PRDM10: variants seen among roughly 807,000 people sequenced by gnomAD.
PRDM10 encodes the protein PR domain zinc finger protein 10.
PRDM10 carries 65 observed loss-of-function variants against 133.1 expected under a neutral mutation model. That is an observed-to-expected ratio of 0.49 (90% CI 0.40 to 0.60). PRDM10 has a LOEUF of 0.60. Among genes scored for constraint, PRDM10 ranks in the 20% least tolerant of loss-of-function variants. PRDM10 has a pLI of 0.00. For missense variants in PRDM10, 1,137 were observed against 1,507.1 expected (o/e 0.75, Z 4.07); for synonymous variants, 582 against 580.4 (o/e 1.00, Z -0.04).
rs1429170128 is a variant in PRDM10, at chr11:129,902,410, T to A, written c.3374A>T (p.Asp1125Val). Reference sequence around the variant, plus strand: ...CTGCTGTTGGCTGTTGGTCTGGGGGTCCAGGGAGTCACTGTGTGCAGGTGG... The same window carrying A: ...CTGCTGTTGGCTGTTGGTCTGGGGGACCAGGGAGTCACTGTGTGCAGGTGG... ...VEPPAHSDSL[D>V]PQTNSQQQTT... The change falls in exon 21 of 21, where the codon GAC becomes GTC. Residue 1125 changes from aspartate to valine, a missense_variant. Coordinates refer to ENST00000360871, the MANE Select transcript of PRDM10 (RefSeq NM_199437.2). The A allele has an allele frequency of 3.1e-6, 5 of 1,613,784 alleles. No homozygotes were observed. Among genetic ancestry groups the A allele is most frequent in the Admixed American group, 1.7e-5 (1 of 59,958 alleles).
intron 20 of PRDM10, among the ~76,000 whole-genome samples, chr11:129,904,317 T>A (rs1390578980): frequency 1.3e-5 from 2 of 152,170 alleles, no homozygotes; most frequent in Admixed American, 1.3e-4. Context: ...CTAGCTTTAT[T>A]AAGATATAAT....
In PRDM10 at chr11:129,925,090, G is replaced by A; in HGVS notation, c.1670C>T (p.Thr557Ile). 6.2e-7 allele frequency: 1 copy of A among 1,614,216 alleles called. No homozygotes were observed. Among genetic ancestry groups the A allele is most frequent in the Non-Finnish European group, 8.5e-7 (1 of 1,180,040 alleles). ...FHGREGNCPLTCDLCNKGFIS... is the reference protein window; with the variant it reads ...FHGREGNCPLICDLCNKGFIS... Reference sequence around the variant, plus strand: ...GAAGCCCTTGTTACAGAGATCACAGGTCAGTGGGCAGTTCCCCTCCCGCCC... The same window carrying A: ...GAAGCCCTTGTTACAGAGATCACAGATCAGTGGGCAGTTCCCCTCCCGCCC... The change falls in exon 12 of 21, where the codon ACC (threonine) becomes ATC (isoleucine). Residue 557 changes from threonine (T) to isoleucine (I), a missense_variant. Coordinates refer to ENST00000360871, the MANE Select transcript of PRDM10 (RefSeq NM_199437.2).
At chr11:129,952,925 C>T (rs1951615482) in intron 4 of PRDM10, among the ~76,000 whole-genome samples, 1 of 151,982 alleles carries the variant, frequency 6.6e-6, no homozygotes, top group Non-Finnish European at 1.5e-5. Flanking sequence ...TAGTTGAGTA[C>T]AATGAAATGA....
In PRDM10 at chr11:130,001,863, G is replaced by A. The variant is rs556445344; in HGVS notation, c.-119+859C>T. Among the ~76,000 whole-genome samples the A allele has an allele frequency of 1.7e-3, 262 of 151,996 alleles. 1 individual carries two copies. The highest frequency in any genetic ancestry group is 5.9e-3 in the African/African-American group (244 of 41,514). On this transcript the variant is annotated intron_variant, in intron 1 of 20. Coordinates refer to ENST00000360871, the MANE Select transcript of PRDM10 (RefSeq NM_199437.2). Reference sequence around the variant, plus strand: ...GGTGCAGGCGGACTGGGGCAGGGCCGCGACCCCGGCCTCGGCCTCCGCCTC... The same window carrying A: ...GGTGCAGGCGGACTGGGGCAGGGCCACGACCCCGGCCTCGGCCTCCGCCTC...
Position 129,925,013 on chromosome 11 carries a change from T to C in PRDM10, c.1747A>G (p.Thr583Ala), listed in dbSNP as rs1950632608. ...TCTGGGCAAAAAATGCAAGAGTAAGTCTTCTGGTCTGAGTGGAGCTTCATG... is the reference window on the plus strand; with the variant it reads ...TCTGGGCAAAAAATGCAAGAGTAAGCCTTCTGGTCTGAGTGGAGCTTCATG... ...SHMKLHSDQK[T>A]YSCIFCPESF... is the part of the protein sequence containing the mutation. Residue 583 changes from threonine (T) to alanine (A), a missense_variant, in exon 12 of 21, where the codon ACT becomes GCT. Thr to Ala is a moderately conservative substitution (Grantham distance 58). Coordinates refer to ENST00000360871, the MANE Select transcript of PRDM10 (RefSeq NM_199437.2). The C allele has an allele frequency of 6.2e-7, 1 of 1,614,006 alleles. No individual in the cohort carries two copies. The highest frequency in any genetic ancestry group is 1.7e-5 in the Admixed American group (1 of 59,996).
intron 4 of PRDM10, among the ~76,000 whole-genome samples, chr11:129,949,998 G>A (rs1241631829): frequency 1.5e-5 from 2 of 136,826 alleles, no homozygotes; most frequent in East Asian, 2.2e-4. Flanking sequence ...CACTCTCCGA[G>A]GTTGAGGCAG....
intron 19 of PRDM10, among the ~76,000 whole-genome samples, chr11:129,909,173 G>A (rs1195909717): frequency 1.3e-5 from 2 of 151,892 alleles, no homozygotes; most frequent in East Asian, 3.9e-4. Flanking sequence ...TTTGTGGCCG[G>A]GCACAGTGGC....
chr11:129,927,792 C>A (rs1191223666), intron 11 of PRDM10, among the ~76,000 whole-genome samples: 2 of 152,000 alleles, frequency 1.3e-5, no homozygotes, highest in African/African-American at 4.8e-5. Flanking sequence ...TGAAACTGTC[C>A]CCACCCGTTG....
intron 1 of PRDM10, among the ~76,000 whole-genome samples, chr11:129,963,492 A>G (rs115252010): frequency 6.6e-6 from 1 of 151,938 alleles, no homozygotes; most frequent in East Asian, 1.9e-4. Context: ...CTTTTTTTTT[A>G]AAGTTGTTTA....
At chr11:129,994,818 AT>A (rs1265380011) in intron 1 of PRDM10, among the ~76,000 whole-genome samples, 1 of 151,146 alleles carries the variant, frequency 6.6e-6, no homozygotes, top group Non-Finnish European at 1.5e-5. Flanking sequence ...TGCCCGGCTA[AT>A]TTTTTTTGTA....
chr11:129,909,643 A>G (rs775340052), intron 19 of PRDM10, among the ~76,000 whole-genome samples: 2 of 152,102 alleles, frequency 1.3e-5, no homozygotes, highest in Non-Finnish European at 2.9e-5. Context: ...AGTTTCTACT[A>G]CTGAGGTCTG....
chr11:129,967,859 A>G (rs944787030), intron 1 of PRDM10, among the ~76,000 whole-genome samples: 3 of 152,112 alleles, frequency 2.0e-5, no homozygotes, highest in Non-Finnish European at 4.4e-5. Flanking sequence ...AGCCTCCACC[A>G]TCACCTGCCC....
chr11:129,913,613 T>C (rs1950261610), intron 17 of PRDM10, among the ~76,000 whole-genome samples: 1 of 152,214 alleles, frequency 6.6e-6, no homozygotes, highest in Non-Finnish European at 1.5e-5. Context: ...TTTGAAAAAG[T>C]AGCTAAAGTA....
rs977731357 is a variant in PRDM10, at chr11:129,918,045, C to T, written c.2214+494G>A. Among the ~76,000 whole-genome samples the T allele has an allele frequency of 2.0e-5, 3 of 152,046 alleles. No individual in the cohort carries two copies. The highest frequency in any genetic ancestry group is 2.1e-4 in the South Asian group (1 of 4,822). Reference sequence around the variant, plus strand: ...ACTCAGGAGGCTGAAGCAGGAGAATCGCTTGAACCTGGGAGGGGGAGGTTG... The same window carrying T: ...ACTCAGGAGGCTGAAGCAGGAGAATTGCTTGAACCTGGGAGGGGGAGGTTG... On this transcript the variant is annotated intron_variant, in intron 14 of 20. Transcript: ENST00000360871. This position sits in a 1 kb window ranked among gnomAD's most constrained non-coding sequence, Gnocchi z 5.3.
chr11:129,988,313 CTT>C (rs1479510102), intron 1 of PRDM10, among the ~76,000 whole-genome samples: 5 of 152,102 alleles, frequency 3.3e-5, no homozygotes, highest in South Asian at 2.1e-4. Flanking sequence ...CTGCACAACT[CTT>C]TGAATGTATT....
At chr11:130,002,197 G>C (rs572093860) in intron 1 of PRDM10, among the ~76,000 whole-genome samples, 1 of 147,478 alleles carries the variant, frequency 6.8e-6, no homozygotes, top group African/African-American at 2.4e-5. Context: ...CCTGCCCGCC[G>C]CGCCCGGAGC....
rs539494774 is a variant in PRDM10 at position 129,988,381 on chromosome 11, G to A, written c.-119+14341C>T. ...AATTTTTATCTATTTATTTGAGACC[G>A]GGTTATGAGACTGGCAATTTTTATA... On this transcript the variant is annotated intron_variant, in intron 1 of 20. Coordinates refer to ENST00000360871, the MANE Select transcript of PRDM10 (RefSeq NM_199437.2). 4.6e-5 allele frequency among the ~76,000 whole-genome samples: 7 copies of A among 152,088 alleles called. No individual in the cohort carries two copies. The South Asian group carries it at 6.2e-4, about 14-fold the overall frequency.
intron 1 of PRDM10, among the ~76,000 whole-genome samples, chr11:129,988,421 G>A (rs569824157): frequency 4.6e-5 from 7 of 152,084 alleles, no homozygotes; most frequent in South Asian, 2.1e-4. Flanking sequence ...GGGTAGAGAC[G>A]GGGTTTCGCC....
At chr11:129,921,642 G>C (rs1950525744) in intron 13 of PRDM10, among the ~76,000 whole-genome samples, 2 of 152,226 alleles carry the variant, frequency 1.3e-5, no homozygotes, top group Non-Finnish European at 2.9e-5. Context: ...GGTGGTAGTG[G>C]TTTTGTGCTG....
Sources: allele counts gnomAD v4.1 joint callset (sites outside exome capture counted in the v4.1 genomes callset), GRCh38; gene constraint gnomAD v4.1.1; non-coding constraint Gnocchi (gnomAD v3.1); transcripts MANE v1.5; gene names NCBI Gene and HGNC (gene_info 2026-07-23, HGNC 2026-07-21).